The following SLC47A1 variants were observed in gnomAD, a reference collection of about 807,000 sequenced individuals.
The protein encoded by SLC47A1 is multidrug and toxin extrusion protein 1.
A neutral mutation model predicts 65.8 loss-of-function variants in SLC47A1; 58 were observed. That is an observed-to-expected ratio of 0.88 (90% CI 0.71 to 1.10). The LOEUF (loss-of-function observed/expected upper bound fraction) is 1.10, where lower values mean the gene tolerates loss of function less well. SLC47A1 is among the 50% of genes least tolerant of loss of function. The probability of loss-of-function intolerance (pLI) is 0.00; values close to 1 mark genes in which losing one functional copy is unlikely to be tolerated. For synonymous variants in SLC47A1, 285 were observed against 295.0 expected, an observed-to-expected ratio of 0.97 and a Z score of 0.35; for missense variants, 706 against 719.2, an observed-to-expected ratio of 0.98 and a Z score of 0.21.
intron 6 of SLC47A1, among the ~76,000 whole-genome samples, chr17:19,551,939 C>T (rs1196952946): frequency 1.3e-5 from 2 of 152,236 alleles, no homozygotes; most frequent in Admixed American, 6.5e-5. Flanking sequence ...TCTAATGACA[C>T]CTAACGTCAG....
intron 14 of SLC47A1, among the ~76,000 whole-genome samples, chr17:19,569,993 A>C (rs1238497373): frequency 6.6e-6 from 1 of 152,114 alleles, no homozygotes. Context: ...CATACCTATA[A>C]TCCTAGTGCT....
chr17:19,542,469 T>A lies in SLC47A1; in HGVS notation c.212T>A (p.Leu71Gln). 1 of 1,612,872 alleles carries A rather than the reference T, an allele frequency of 6.2e-7. No homozygotes were observed. Among genetic ancestry groups the A allele is most frequent in the Non-Finnish European group, 8.5e-7 (1 of 1,179,524 alleles). ...VFCGHLGKLE[L>Q]DAVTLAIAVI... ...TGTGGCCACCTGGGCAAGCTGGAGC[T>A]GGATGCAGTCACGCTGGCAATCGCG... The change falls in exon 2 of 17, where the codon CTG becomes CAG. Residue 71 changes from leucine to glutamine, a missense_variant. Transcript: ENST00000270570.
At chr17:19,546,612 C>A in intron 3 of SLC47A1, 109 bp downstream of exon 3, 1 of 1,016,152 alleles carries the variant, frequency 9.8e-7, no homozygotes, top group East Asian at 2.6e-5. Context: ...CTTGCAGCAC[C>A]TATCAGCCAG....
rs967254230 is a variant in SLC47A1, at chr17:19,577,770, G to A, written c.*217G>A. On this transcript the variant is annotated 3_prime_UTR_variant, in exon 17 of 17. Transcript: ENST00000270570. ...AGACACTGTCTGAAAGATGACATGA[G>A]TAGTAATTCACCACTATCTGAACCA... 1.1e-5 allele frequency: 15 copies of A among 1,382,032 alleles called. No individual in the cohort carries two copies. Among genetic ancestry groups the A allele is most frequent in the Non-Finnish European group, 1.4e-5 (15 of 1,069,168 alleles). The allele number at this position is 1,382,032 out of a possible 1,614,324, so 85.6% of individuals were successfully genotyped here.
At chr17:19,573,918 T>C (rs997931705) in intron 16 of SLC47A1, among the ~76,000 whole-genome samples, 1 of 145,370 alleles carries the variant, frequency 6.9e-6, no homozygotes, top group African/African-American at 2.6e-5. Flanking sequence ...TTCTGGTTCA[T>C]GCTTTTTTTT....
chr17:19,572,416 C>T (rs1177191944), intron 15 of SLC47A1, among the ~76,000 whole-genome samples: 2 of 152,138 alleles, frequency 1.3e-5, no homozygotes, highest in Non-Finnish European at 2.9e-5. Context: ...GTCTCAGCCT[C>T]CCAGGTAGTT....
At chr17:19,562,072 A>G (rs1213352127) in intron 12 of SLC47A1, among the ~76,000 whole-genome samples, 2 of 152,222 alleles carry the variant, frequency 1.3e-5, no homozygotes, top group Non-Finnish European at 2.9e-5. Flanking sequence ...CGGACTATAT[A>G]GAAACTTCGT....
Position 19,533,874 on chromosome 17 carries a change from T to TCTGCCGGCCTGCGCGGTACC in SLC47A1, c.-65_-64insTGCCGGCCTGCGCGGTACCC. On this transcript the variant is annotated 5_prime_UTR_variant, in exon 1 of 17. Transcript: ENST00000270570. ...TACCCACTGCCGGCCTGCGCGGTAC[T>TCTGCCGGCCTGCGCGGTACC]CACTGCCGGCCTCCGCGGTACCCAC... is the stretch of plus-strand genomic sequence containing the variant. 1 of 1,380,840 alleles carries TCTGCCGGCCTGCGCGGTACC rather than the reference T, an allele frequency of 7.2e-7. No homozygotes were observed. Among genetic ancestry groups the TCTGCCGGCCTGCGCGGTACC allele is most frequent in the Non-Finnish European group, 9.4e-7 (1 of 1,067,824 alleles). 85.5% of individuals were successfully genotyped at this position (1,380,840 alleles called of 1,614,324 possible).
At position 19,566,860 on chromosome 17, in the gene SLC47A1, G is replaced by C. The variant is rs1332072088; in HGVS notation, c.1176+1G>C. The C allele has an allele frequency of 1.9e-6, 3 of 1,614,014 alleles. No homozygotes were observed. Among genetic ancestry groups the C allele is most frequent in the East Asian group, 4.5e-5 (2 of 44,894 alleles). On this transcript the variant is annotated splice_donor_variant, in intron 13 of 16. Coordinates refer to ENST00000270570, the MANE Select transcript of SLC47A1 (RefSeq NM_018242.3). LOFTEE classifies it high-confidence loss of function. ...TTCCCACCTCTTTGAAGCTCTTGCT[G>C]TAAGTATTATGTAGTAGTCCCCTAA...
rs1440256561 is a variant in SLC47A1 at position 19,546,364 on chromosome 17, A to G, written c.238-71A>G. 2.7e-6 allele frequency: 4 copies of G among 1,490,412 alleles called. No individual in the cohort carries two copies. The East Asian group carries it at 9.1e-5, about 34-fold the overall frequency. The allele number at this position is 1,490,412 out of a possible 1,614,324, so 92.3% of individuals were successfully genotyped here. ...GGAGGAGCTTTGCAGGCTCTTATCA[A>G]TACACACAGGGATTTTGTCTTCCTT... On this transcript the variant is annotated intron_variant, in intron 2 of 16. Coordinates refer to ENST00000270570, the MANE Select transcript of SLC47A1 (RefSeq NM_018242.3).
At chr17:19,546,959 G>A (rs779910367) in intron 3 of SLC47A1, 2 of 159,490 alleles carry the variant, frequency 1.3e-5, no homozygotes, top group Admixed American at 6.3e-5. Flanking sequence ...TTCCAGGGGC[G>A]TAAGTATTTC....
In SLC47A1 at chr17:19,577,942, C is replaced by A; in HGVS notation, c.*389C>A. 1 of 1,273,300 alleles carries A rather than the reference C, an allele frequency of 7.9e-7. No individual in the cohort carries two copies. Among genetic ancestry groups the A allele is most frequent in the Admixed American group, 2.5e-5 (1 of 39,460 alleles). The allele number at this position is 1,273,300 out of a possible 1,614,324, so 78.9% of individuals were successfully genotyped here. A position where few individuals can be genotyped will look rare whatever the true frequency, so the allele number is the denominator to read the frequency against. On this transcript the variant is annotated 3_prime_UTR_variant, in exon 17 of 17. Transcript: ENST00000270570. Reference sequence around the variant, plus strand: ...TTTTACAGTATATCTTTCCTTGGGCCTTAGATTACTATTCACTGGGCAAAT... The same window carrying A: ...TTTTACAGTATATCTTTCCTTGGGCATTAGATTACTATTCACTGGGCAAAT...
intron 16 of SLC47A1, among the ~76,000 whole-genome samples, chr17:19,575,152 C>A (rs1340263021): frequency 7.1e-6 from 1 of 139,936 alleles, no homozygotes; most frequent in Non-Finnish European, 1.5e-5. Context: ...TTCACTGCAG[C>A]CTTGACCTCC....
At chr17:19,550,719 T>G (rs1280633571) in intron 5 of SLC47A1, among the ~76,000 whole-genome samples, 1 of 152,308 alleles carries the variant, frequency 6.6e-6, no homozygotes, top group East Asian at 1.9e-4. Context: ...CAACAGAAGT[T>G]TATTTTCTTA....
At chr17:19,540,250 G>A (rs542058319) in intron 1 of SLC47A1, among the ~76,000 whole-genome samples, 3 of 152,208 alleles carry the variant, frequency 2.0e-5, no homozygotes, top group Admixed American at 6.5e-5. Context: ...AGGGGAGACC[G>A]AGCACACTTC....
At chr17:19,574,511 C>T (rs556288073) in intron 16 of SLC47A1, among the ~76,000 whole-genome samples, 79 of 152,298 alleles carry the variant, frequency 5.2e-4, no homozygotes, top group African/African-American at 1.8e-3. Context: ...CATTCTGATG[C>T]CTTCAAGATG....
chr17:19,545,134 T>C (rs1916252022), intron 2 of SLC47A1, among the ~76,000 whole-genome samples: 1 of 152,190 alleles, frequency 6.6e-6, no homozygotes, highest in Non-Finnish European at 1.5e-5. Flanking sequence ...CAGTTCCTCC[T>C]TGTGGGTCTG....
chr17:19,558,111 C>G (rs1916672678), intron 10 of SLC47A1, among the ~76,000 whole-genome samples: 1 of 152,164 alleles, frequency 6.6e-6, no homozygotes, highest in Non-Finnish European at 1.5e-5. Context: ...AATACTATAT[C>G]AATACAGTCA....
chr17:19,549,112 TA>T (rs374890437), intron 4 of SLC47A1, among the ~76,000 whole-genome samples: 52 of 152,226 alleles, frequency 3.4e-4, no homozygotes, highest in African/African-American at 1.2e-3. Flanking sequence ...AACCCTGTCC[TA>T]GACATAAAGA....
Sources: allele counts gnomAD v4.1 joint callset (sites outside exome capture counted in the v4.1 genomes callset), GRCh38; gene constraint gnomAD v4.1.1; transcripts MANE v1.5; gene names NCBI Gene and HGNC (gene_info 2026-07-23, HGNC 2026-07-21).